The following PARP9 variants were observed in gnomAD, a reference collection of about 807,000 sequenced individuals.
PARP9 encodes the protein poly(ADP-ribose) polymerase family member 9.
PARP9 carries 48 observed loss-of-function variants against 68.8 expected under a neutral mutation model. The observed-to-expected ratio is 0.70, with a 90% confidence interval of 0.55 to 0.89. The LOEUF is 0.89. Among genes scored for constraint, PARP9 ranks in the 40% least tolerant of loss-of-function variants. The pLI is 0.00. For synonymous variants in PARP9, 309 were observed against 333.8 expected, an observed-to-expected ratio of 0.93 and a Z score of 0.81; for missense variants, 806 against 969.3, an observed-to-expected ratio of 0.83 and a Z score of 2.24.
intron 10 of PARP9, chr3:122,532,088 T>C: frequency 1.1e-6 from 1 of 942,954 alleles, no homozygotes; most frequent in Non-Finnish European, 1.3e-6. Context: ...GTGGGTGCAG[T>C]CCCTCATCCA....
intron 6 of PARP9, among the ~76,000 whole-genome samples, chr3:122,547,084 A>C: frequency 8.0e-6 from 1 of 124,334 alleles, no homozygotes; most frequent in African/African-American, 2.7e-5. Flanking sequence ...ACACACACAC[A>C]CATATATATA....
intron 10 of PARP9, among the ~76,000 whole-genome samples, chr3:122,530,919 C>A (rs1304063148): frequency 1.3e-5 from 2 of 152,134 alleles, no homozygotes; most frequent in Non-Finnish European, 2.9e-5. Context: ...AAAAATTAGT[C>A]AGGTATTGTG....
Position 122,555,888 on chromosome 3 carries a change from G to T in PARP9, c.283C>A (p.His95Asn), listed in dbSNP as rs1287476388. The T allele has an allele frequency of 6.2e-7, 1 of 1,613,926 alleles. No homozygotes were observed. Among genetic ancestry groups the T allele is most frequent in the Non-Finnish European group, 8.5e-7 (1 of 1,180,006 alleles). Residue 95 changes from histidine (H) to asparagine (N), a missense_variant, in exon 4 of 11, where the codon CAT becomes AAT. By Grantham distance (68) the His-to-Asn change is moderately conservative. Transcript: ENST00000682323. ...LSVWKDDLTT[H>N]AVDAVVNAAN... ...GCATTCACCACAGCATCAACAGCAT[G>T]TGTGGTGAGGTCATCTTTCCAGACT...
At chr3:122,529,184 G>A (rs1288161054) in intron 10 of PARP9, among the ~76,000 whole-genome samples, 2 of 140,678 alleles carry the variant, frequency 1.4e-5, no homozygotes, top group African/African-American at 2.7e-5. Context: ...GTTGTAGTGA[G>A]CCAAGATCGC....
At chr3:122,559,731 T>C (rs1313323869) in intron 1 of PARP9, 22 bp from the exon 2 acceptor site, 2 of 1,043,292 alleles carry the variant, frequency 1.9e-6, no homozygotes, top group Non-Finnish European at 1.4e-6. Context: ...TTAGAAAAGA[T>C]GCAATAAACA....
chr3:122,564,695 C>T (rs2080523426), upstream of PARP9: 3 of 1,496,048 alleles, frequency 2.0e-6, no homozygotes, highest in Non-Finnish European at 1.8e-6. Context: ...TCCAGCTGAC[C>T]TAGGGGAGAG....
intron 10 of PARP9, chr3:122,532,892 G>A (rs2077403466): frequency 6.6e-6 from 1 of 152,252 alleles, no homozygotes; most frequent in Non-Finnish European, 1.5e-5. Flanking sequence ...CAGTCTTGAG[G>A]AACATAGTGG....
intron 6 of PARP9, among the ~76,000 whole-genome samples, chr3:122,547,444 T>C (rs1229922948): frequency 2.0e-5 from 3 of 152,024 alleles, no homozygotes; most frequent in African/African-American, 7.2e-5. Flanking sequence ...GCTCAGACCG[T>C]GGTTGATCTT....
chr3:122,551,237 G>A (rs955197212), intron 5 of PARP9, among the ~76,000 whole-genome samples: 2 of 152,166 alleles, frequency 1.3e-5, no homozygotes, highest in African/African-American at 4.8e-5. Flanking sequence ...TTCTCTTGGA[G>A]AAATGCTAAT....
At chr3:122,545,269 A>C (rs1184315410) in intron 7 of PARP9, among the ~76,000 whole-genome samples, 163 bp downstream of exon 7, 2 of 152,230 alleles carry the variant, frequency 1.3e-5, no homozygotes, top group African/African-American at 2.4e-5. Flanking sequence ...CAAGAAAAGA[A>C]TCATGATCAG....
intron 4 of PARP9, among the ~76,000 whole-genome samples, chr3:122,552,912 C>A (rs2079329729): frequency 6.6e-6 from 1 of 152,018 alleles, no homozygotes; most frequent in African/African-American, 2.4e-5. Context: ...TGCTGTATTA[C>A]CTTACCAGAT....
intron 10 of PARP9, chr3:122,533,037 TA>T: frequency 6.6e-6 from 1 of 152,072 alleles, no homozygotes; most frequent in Admixed American, 6.6e-5. Context: ...ATTCTGGTGG[TA>T]AAGGATAGAT....
At chr3:122,549,071 A>G (rs1267750903) in intron 6 of PARP9, among the ~76,000 whole-genome samples, 2 of 151,604 alleles carry the variant, frequency 1.3e-5, no homozygotes, top group Non-Finnish European at 2.9e-5. Context: ...CCCGGGTGCA[A>G]TGGTGCGATC....
At chr3:122,549,932 G>C (rs2079062656) in intron 6 of PARP9, among the ~76,000 whole-genome samples, 1 of 152,220 alleles carries the variant, frequency 6.6e-6, no homozygotes, top group Admixed American at 6.5e-5. Context: ...TTGTGTTCTT[G>C]AAGGGAGAGA....
chr3:122,532,974 G>T (rs145944608), intron 10 of PARP9: 2 of 152,210 alleles, frequency 1.3e-5, no homozygotes, highest in Non-Finnish European at 2.9e-5. Context: ...CTTTTATCCC[G>T]TAGGCAACTG....
intron 8 of PARP9, among the ~76,000 whole-genome samples, chr3:122,539,805 G>A (rs762043307): frequency 6.6e-6 from 1 of 151,984 alleles, no homozygotes; most frequent in Non-Finnish European, 1.5e-5. Context: ...CTCAGGTGAT[G>A]CGCCCACCTC....
rs377118843 is a variant in PARP9 at position 122,559,590 on chromosome 3, C to T, written c.15+16G>A. ...CTGATCAAGGTTCATGACGTATACACATTTATGCTTTTTACCATGGAAAAG... is the reference window on the plus strand; with the variant it reads ...CTGATCAAGGTTCATGACGTATACATATTTATGCTTTTTACCATGGAAAAG... On this transcript the variant is annotated intron_variant, in intron 2 of 10. Transcript: ENST00000682323. The T allele has an allele frequency of 2.5e-6, 4 of 1,588,950 alleles. No homozygotes were observed. The highest frequency in any genetic ancestry group is 2.7e-5 in the African/African-American group (2 of 74,484).
intron 1 of PARP9, among the ~76,000 whole-genome samples, chr3:122,560,312 T>A (rs2080084889): frequency 6.6e-6 from 1 of 152,222 alleles, no homozygotes; most frequent in African/African-American, 2.4e-5. Flanking sequence ...AGACTGATGA[T>A]GAAAATGCTT....
intron 7 of PARP9, among the ~76,000 whole-genome samples, chr3:122,542,232 T>TCTC (rs1186293271): frequency 2.0e-5 from 3 of 147,944 alleles, no homozygotes; most frequent in East Asian, 2.0e-4. Flanking sequence ...ACCCCTTTCT[T>TCTC]CTCCTCCTCC....
Sources: gnomAD v4.1 joint callset for allele counts (sites outside exome capture counted in the v4.1 genomes callset) on GRCh38, gnomAD v4.1.1 for gene constraint, MANE v1.5 for transcripts, NCBI Gene and HGNC (gene_info 2026-07-23, HGNC 2026-07-21) for gene names.